Variants in ACYP2 observed in about 807,000 individuals in gnomAD.
ACYP2 encodes acylphosphatase 2, also known as acylphosphatase-2.
A neutral mutation model predicts 11.2 loss-of-function variants in ACYP2; 12 were observed. The observed-to-expected ratio is 1.08, with a 90% CI of 0.69 to 1.74. ACYP2 has a LOEUF of 1.74. ACYP2 is among the 40% of genes most tolerant of loss of function. The pLI is 0.00. For synonymous variants in ACYP2, 43 were observed against 32.2 expected (o/e 1.33, Z -1.13); for missense variants, 134 against 101.9 (o/e 1.31, Z -1.35).
At chr2:54,062,652 T>A (rs2103634042) in intron 4 of ACYP2, among the ~76,000 whole-genome samples, 1 of 152,358 alleles carries the variant, frequency 6.6e-6, no homozygotes, top group African/African-American at 2.4e-5. Context: ...GCATTATGGT[T>A]TAGACTTTCT....
At chr2:54,299,048 C>G (rs1337640172) in intron 6 of ACYP2, among the ~76,000 whole-genome samples, 1 of 152,158 alleles carries the variant, frequency 6.6e-6, no homozygotes, top group African/African-American at 2.4e-5. Context: ...CCACTGCACC[C>G]AGCCAGAGTT....
intron 2 of ACYP2, among the ~76,000 whole-genome samples, chr2:53,983,575 T>TA (rs916007725): frequency 6.6e-6 from 1 of 152,064 alleles, no homozygotes; most frequent in Non-Finnish European, 1.5e-5. Flanking sequence ...ATGAGAAATT[T>TA]AAAAAACACC....
chr2:54,238,550 A>G (rs996551193), intron 6 of ACYP2, among the ~76,000 whole-genome samples: 6 of 152,200 alleles, frequency 3.9e-5, no homozygotes, highest in African/African-American at 1.2e-4. Context: ...ATCATTGATC[A>G]TATTTCTGTT....
chr2:54,107,056 C>T (rs1273512076), intron 4 of ACYP2, among the ~76,000 whole-genome samples: 1 of 152,108 alleles, frequency 6.6e-6, no homozygotes, highest in African/African-American at 2.4e-5. Flanking sequence ...AAATGAAAGA[C>T]ATTTAGGTGG....
chr2:54,216,508 G>C (rs1049096604), intron 6 of ACYP2, among the ~76,000 whole-genome samples: 13 of 150,808 alleles, frequency 8.6e-5, no homozygotes, highest in African/African-American at 3.2e-4. Flanking sequence ...CTCTATTGAT[G>C]AATCTTTTTT....
intron 6 of ACYP2, chr2:54,143,037 T>G (rs549732574): frequency 6.6e-6 from 1 of 152,336 alleles, no homozygotes; most frequent in East Asian, 1.9e-4. Context: ...TATCAGATAT[T>G]CTTATTAATT....
At chr2:54,271,892 G>C (rs947503167) in intron 6 of ACYP2, among the ~76,000 whole-genome samples, 1 of 152,068 alleles carries the variant, frequency 6.6e-6, no homozygotes, top group Non-Finnish European at 1.5e-5. Context: ...AGGATTTTTA[G>C]ACATGCATTG....
At chr2:54,061,685 T>G (rs534010358) in intron 4 of ACYP2, among the ~76,000 whole-genome samples, 4 of 152,264 alleles carry the variant, frequency 2.6e-5, no homozygotes, top group Admixed American at 2.6e-4. Flanking sequence ...ACCATGCATG[T>G]TAGTTTCCTA....
chr2:54,248,019 T>C (rs1210728786), intron 6 of ACYP2, among the ~76,000 whole-genome samples: 5 of 152,232 alleles, frequency 3.3e-5, no homozygotes, highest in South Asian at 2.1e-4. Context: ...ACTATTACCA[T>C]AGCCTATTGT....
At chr2:54,060,304 T>G (rs1006941593) in intron 4 of ACYP2, among the ~76,000 whole-genome samples, 2 of 152,124 alleles carry the variant, frequency 1.3e-5, no homozygotes, top group African/African-American at 2.4e-5. Context: ...TAGATTCGTT[T>G]GCTTTTATCT....
chr2:54,008,482 A>G (rs1673190010), intron 2 of ACYP2, among the ~76,000 whole-genome samples: 1 of 152,172 alleles, frequency 6.6e-6, no homozygotes. Context: ...TAATTAGAAA[A>G]TGTTGGTTTA....
chr2:54,037,995 G>T (rs1675002658), intron 2 of ACYP2, among the ~76,000 whole-genome samples: 1 of 152,174 alleles, frequency 6.6e-6, no homozygotes, highest in Non-Finnish European at 1.5e-5. Flanking sequence ...AATCTCCGAA[G>T]CTTTCTCTCC....
intron 6 of ACYP2, among the ~76,000 whole-genome samples, chr2:54,302,168 T>C (rs1049128070): frequency 4.6e-5 from 7 of 152,246 alleles, no homozygotes; most frequent in East Asian, 1.9e-4. Context: ...CTATGCCCAG[T>C]AGCCCTAGTC....
chr2:54,087,761 G>A (rs534231157), intron 4 of ACYP2, among the ~76,000 whole-genome samples: 8 of 152,280 alleles, frequency 5.3e-5, no homozygotes, highest in South Asian at 2.1e-4. Flanking sequence ...ATAAAGGGAC[G>A]GACAGATGGA....
chr2:54,224,015 G>A (rs913702120), intron 6 of ACYP2, among the ~76,000 whole-genome samples: 5 of 152,052 alleles, frequency 3.3e-5, no homozygotes, highest in African/African-American at 1.2e-4. Flanking sequence ...TTGAAAATGG[G>A]GTGTCTCAAG....
chr2:54,084,865 C>A (rs550811849), intron 4 of ACYP2: 1 of 152,146 alleles, frequency 6.6e-6, no homozygotes, highest in African/African-American at 2.4e-5. Flanking sequence ...TCAGGGAATC[C>A]CTCATTGGGA....
At chr2:53,974,766 G>T (rs1224856493) in intron 2 of ACYP2, among the ~76,000 whole-genome samples, 1 of 152,162 alleles carries the variant, frequency 6.6e-6, no homozygotes, top group Non-Finnish European at 1.5e-5. Flanking sequence ...CATTCATTGA[G>T]CATTTCTGTC....
At chr2:54,063,355 A>G (rs1572674887) in intron 4 of ACYP2, among the ~76,000 whole-genome samples, 2 of 152,136 alleles carry the variant, frequency 1.3e-5, no homozygotes, top group East Asian at 3.9e-4. Flanking sequence ...TAGGGAAAAT[A>G]TCCTAAAATA....
At chr2:54,087,274 G>T (rs958859246) in intron 4 of ACYP2, among the ~76,000 whole-genome samples, 2 of 152,208 alleles carry the variant, frequency 1.3e-5, no homozygotes, top group Non-Finnish European at 2.9e-5. Context: ...AGAAATTAAA[G>T]TGTACATTTG....
Sources: gnomAD v4.1 joint callset for allele counts (sites outside exome capture counted in the v4.1 genomes callset) on GRCh38, gnomAD v4.1.1 for gene constraint, MANE v1.5 for transcripts, NCBI Gene and HGNC (gene_info 2026-07-23, HGNC 2026-07-21) for gene names.